The following MTBP variants were observed in gnomAD, a reference collection of about 807,000 sequenced individuals.
MTBP encodes the protein MDM2 binding protein.
In MTBP, 101 loss-of-function variants were observed where a neutral mutation model predicts 117.0. The ratio of observed to expected loss-of-function variants is 0.86; its 90% confidence interval spans 0.73 to 1.02. The LOEUF (loss-of-function observed/expected upper bound fraction) is 1.02. MTBP is among the 50% of genes least tolerant of loss of function. The probability of loss-of-function intolerance (pLI) is 0.00; values close to 1 mark genes in which losing one functional copy is unlikely to be tolerated. For missense variants in MTBP, 970 were observed against 1,030.9 expected (o/e 0.94, Z 0.81); for synonymous variants, 350 against 351.5 (o/e 1.00, Z 0.05).
At chr8:120,511,592 C>T (rs1234012050) in intron 17 of MTBP, among the ~76,000 whole-genome samples, 1 of 152,068 alleles carries the variant, frequency 6.6e-6, no homozygotes, top group Non-Finnish European at 1.5e-5. Context: ...ACCGCACCCA[C>T]CCCAAAATTT....
intron 11 of MTBP, among the ~76,000 whole-genome samples, chr8:120,477,844 G>A (rs923958346): frequency 1.3e-5 from 2 of 152,130 alleles, no homozygotes; most frequent in African/African-American, 4.8e-5. Context: ...AGACAGTGTG[G>A]CAATTCTTCA....
rs1176941617 is a variant in MTBP at position 120,497,626 on chromosome 8, T to C, written c.1609+72T>C. 3 of 898,656 alleles carry C rather than the reference T, an allele frequency of 3.3e-6. No homozygotes were observed. In the Admixed American group the frequency reaches 9.3e-5, roughly 28 times the overall value. The allele number at this position is 898,656 out of a possible 1,614,324, so 55.7% of individuals were successfully genotyped here. On this transcript the variant is annotated intron_variant, in intron 14 of 21. Transcript: ENST00000305949. ...CTATGACATTTATTATTAAAACTTA[T>C]AAAATGTATTGGTCAAATCAAAATG... is the stretch of plus-strand genomic sequence containing the variant.
At position 120,497,392 on chromosome 8, in the gene MTBP, G is replaced by A; in HGVS notation, c.1448-1G>A. ...GTCAATTGTATTGATTTGTCTTATA[G>A]AAAGACGAAAGTTGGCAAAGCAGCC... On this transcript the variant is annotated splice_acceptor_variant, in intron 13 of 21. Transcript: ENST00000305949. LOFTEE classifies it high-confidence loss of function. The A allele has an allele frequency of 2.5e-6, 4 of 1,602,018 alleles. No individual in the cohort carries two copies. Among genetic ancestry groups the A allele is most frequent in the Non-Finnish European group, 3.4e-6 (4 of 1,176,256 alleles).
intron 17 of MTBP, among the ~76,000 whole-genome samples, chr8:120,514,562 C>T (rs1292979536): frequency 1.3e-5 from 2 of 152,006 alleles, no homozygotes; most frequent in Non-Finnish European, 2.9e-5. Context: ...ATGTGTTGAA[C>T]AGGAGTAAGA....
intron 13 of MTBP, among the ~76,000 whole-genome samples, chr8:120,494,723 A>G (rs1814415659): frequency 6.6e-6 from 1 of 152,178 alleles, no homozygotes; most frequent in Non-Finnish European, 1.5e-5. Flanking sequence ...AATTTTATAA[A>G]TAAGTTTACT....
chr8:120,503,401 T>A (rs1814623571), intron 15 of MTBP, among the ~76,000 whole-genome samples: 1 of 152,160 alleles, frequency 6.6e-6, no homozygotes, highest in Non-Finnish European at 1.5e-5. Context: ...TTATTCTGTG[T>A]GTAATGAATG....
chr8:120,494,824 G>A (rs936443406), intron 13 of MTBP, among the ~76,000 whole-genome samples: 1 of 151,912 alleles, frequency 6.6e-6, no homozygotes, highest in African/African-American at 2.4e-5. Flanking sequence ...TTTTAAATTT[G>A]CCTACTCTTC....
At chr8:120,499,629 C>A (rs763054425) in intron 14 of MTBP, among the ~76,000 whole-genome samples, 1 of 152,082 alleles carries the variant, frequency 6.6e-6, no homozygotes, top group Non-Finnish European at 1.5e-5. Context: ...CATATTCTGA[C>A]GACTCATTTG....
At chr8:120,456,761 AT>A in intron 7 of MTBP, 91 bp downstream of exon 7, 1 of 753,786 alleles carries the variant, frequency 1.3e-6, no homozygotes, top group Non-Finnish European at 2.3e-6. Flanking sequence ...AATGTACCTT[AT>A]AAAGATATTC....
At position 120,470,894 on chromosome 8, in the gene MTBP, A is replaced by C; in HGVS notation, c.1122A>C (p.Arg374Ser). ...LIPPPNQLSS[R>S]KWKEYIAKKP... The stretch of plus-strand genomic sequence containing the variant: ...CACCTCCCAACCAACTCAGTTCAAG[A>C]AAATGGAAGGAATATATAGCTAAAA... The change falls in exon 11 of 22, where the codon AGA becomes AGC. Residue 374 changes from arginine (R) to serine (S), a missense_variant. Coordinates refer to ENST00000305949, the MANE Select transcript of MTBP (RefSeq NM_022045.5). 6.2e-7 allele frequency: 1 copy of C among 1,611,536 alleles called. No individual in the cohort carries two copies. Among genetic ancestry groups the C allele is most frequent in the Non-Finnish European group, 8.5e-7 (1 of 1,178,118 alleles).
At chr8:120,497,622 C>A in intron 14 of MTBP, 68 bp downstream of exon 14, 1 of 948,464 alleles carries the variant, frequency 1.1e-6, no homozygotes, top group Non-Finnish European at 1.5e-6. Flanking sequence ...ATTATTAAAA[C>A]TTATAAAATG....
At chr8:120,445,650 TG>T in intron 1 of MTBP, 62 bp downstream of exon 1, 1 of 1,344,342 alleles carries the variant, frequency 7.4e-7, no homozygotes, top group Middle Eastern at 1.9e-4. Flanking sequence ...GTTTGAGTTT[TG>T]TGATCAAGTT....
chr8:120,501,134 T>C (rs1814576434), intron 14 of MTBP, among the ~76,000 whole-genome samples: 1 of 134,042 alleles, frequency 7.5e-6, no homozygotes, highest in Non-Finnish European at 1.5e-5. Flanking sequence ...GAGCTTGCAG[T>C]GAGCCGAGAT....
intron 19 of MTBP, among the ~76,000 whole-genome samples, chr8:120,518,457 G>C (rs1814958283): frequency 6.6e-6 from 1 of 151,932 alleles, no homozygotes; most frequent in South Asian, 2.1e-4. Context: ...TTTCAATTCA[G>C]AACTCATGAT....
chr8:120,452,180 T>C (rs1813371363), intron 4 of MTBP: 1 of 152,244 alleles, frequency 6.6e-6, no homozygotes, highest in Non-Finnish European at 1.5e-5. Context: ...CCTCTTATAG[T>C]TAATACCTTT....
At chr8:120,500,424 T>C (rs1814559521) in intron 14 of MTBP, among the ~76,000 whole-genome samples, 1 of 152,224 alleles carries the variant, frequency 6.6e-6, no homozygotes, top group African/African-American at 2.4e-5. Context: ...TTAGGAACAA[T>C]TTAATGTTTA....
chr8:120,522,803 C>A, intron 21 of MTBP, 84 bp downstream of exon 21: 1 of 1,012,568 alleles, frequency 9.9e-7, no homozygotes. Context: ...ATATATGCAG[C>A]AGTAATCAGT....
At chr8:120,522,629 A>C (rs1341393908) in intron 20 of MTBP, 25 bp from the exon 21 acceptor site, 12 of 1,454,240 alleles carry the variant, frequency 8.3e-6, no homozygotes, top group Middle Eastern at 1.8e-4. Context: ...GCAGATTGTA[A>C]AATGCTGTAT....
intron 16 of MTBP, among the ~76,000 whole-genome samples, chr8:120,508,705 A>C (rs1432092181): frequency 6.6e-6 from 1 of 152,046 alleles, no homozygotes; most frequent in African/African-American, 2.4e-5. Context: ...GTACTCTACT[A>C]TTTACTTACC....
Sources: gnomAD v4.1 joint callset for allele counts (sites outside exome capture counted in the v4.1 genomes callset) on GRCh38, gnomAD v4.1.1 for gene constraint, MANE v1.5 for transcripts, NCBI Gene and HGNC (gene_info 2026-07-23, HGNC 2026-07-21) for gene names.